The following SMARCAD1 variants were observed in gnomAD, a reference collection of about 807,000 sequenced individuals.
The protein encoded by SMARCAD1 is SNF2 related chromatin remodeling ATPase with DExD box 1, also known as SWI/SNF-related matrix-associated actin-dependent regulator of chromatin subfamily A containing DEAD/H box 1.
SMARCAD1 carries 25 observed loss-of-function variants against 127.1 expected under a neutral mutation model. The observed-to-expected ratio is 0.20, with a 90% CI of 0.14 to 0.27. The LOEUF is 0.27. SMARCAD1 is among the 10% of genes least tolerant of loss of function. The pLI, the probability that SMARCAD1 is intolerant of heterozygous loss-of-function variation, is 1.00. For missense variants in SMARCAD1, 807 were observed against 1,206.0 expected (o/e 0.67, Z 4.90); for synonymous variants, 400 against 396.9 (o/e 1.01, Z -0.09).
At chr4:94,240,205 C>T (rs1747364520) in intron 5 of SMARCAD1, among the ~76,000 whole-genome samples, 2 of 152,066 alleles carry the variant, frequency 1.3e-5, no homozygotes, top group African/African-American at 2.4e-5. Flanking sequence ...AACTTGTTCT[C>T]TGAAAGCAAA....
At chr4:94,251,658 G>GT (rs764851120) in intron 8 of SMARCAD1, among the ~76,000 whole-genome samples, 64 of 152,086 alleles carry the variant, frequency 4.2e-4, no homozygotes, top group Non-Finnish European at 7.6e-4. Flanking sequence ...GATAATCTGT[G>GT]TAAGTCTAAT....
At chr4:94,273,575 G>T (rs760367159) in intron 11 of SMARCAD1, 42 bp from the exon 12 acceptor site, 1 of 1,385,736 alleles carries the variant, frequency 7.2e-7, no homozygotes, top group Non-Finnish European at 1.0e-6. Context: ...TTTATTTTTT[G>T]TTTGTTTTAA....
rs1167377453 is a variant in SMARCAD1, at chr4:94,282,228, C to A, written c.2726+638C>A. Among the ~76,000 whole-genome samples, 3 of 99,064 alleles carry A rather than the reference C, an allele frequency of 3.0e-5. 1 individual carries two copies. The highest frequency in any genetic ancestry group is 4.5e-5 in the Non-Finnish European group (2 of 44,854). 65.0% of individuals were successfully genotyped at this position (99,064 alleles called of 152,430 possible). A position where few individuals can be genotyped will look rare whatever the true frequency, so the allele number is the denominator to read the frequency against. On this transcript the variant is annotated intron_variant, in intron 21 of 23. Transcript: ENST00000354268. ...CATTCTGCCTCAGCCTCCCGAGTAG[C>A]TGGGACTACAGGCGCCTGCTACCAC...
intron 6 of SMARCAD1, among the ~76,000 whole-genome samples, chr4:94,249,286 A>G (rs1748918277): frequency 6.6e-6 from 1 of 152,130 alleles, no homozygotes; most frequent in Non-Finnish European, 1.5e-5. Context: ...GTGAACATAG[A>G]TGAGATATTT....
intron 6 of SMARCAD1, among the ~76,000 whole-genome samples, chr4:94,245,494 AAC>A (rs1748272100): frequency 1.3e-5 from 2 of 152,252 alleles, no homozygotes; most frequent in African/African-American, 2.4e-5. Context: ...GGAGGCTGGC[AAC>A]ACCACAGAAA....
Position 94,207,961 on chromosome 4 carries a change from C to G in SMARCAD1, c.-159C>G. 1 of 361,290 alleles carries G rather than the reference C, an allele frequency of 2.8e-6. No individual in the cohort carries two copies. Among genetic ancestry groups the G allele is most frequent in the Admixed American group, 3.7e-5 (1 of 26,992 alleles). 22.4% of individuals were successfully genotyped at this position (361,290 alleles called of 1,614,324 possible). A position where few individuals can be genotyped will look rare whatever the true frequency, so the allele number is the denominator to read the frequency against. On this transcript the variant is annotated 5_prime_UTR_variant, in exon 1 of 24. Coordinates refer to ENST00000354268, the MANE Select transcript of SMARCAD1 (RefSeq NM_020159.5). The stretch of plus-strand genomic sequence containing the variant: ...CGCAGTGTCGAGGCGCGGGCCCTGG[C>G]AGGTCCTTTCTCGAGGCAGGGGGCA...
chr4:94,226,285 A>T lies in SMARCAD1; in HGVS notation c.357A>T (p.Thr119=), dbSNP rs753340589. ...TVQEKTFNKD[T]VIIVSEPSED... ...AAGAGAAAACATTCAACAAAGATACAGTGATTATAGTGTAAGCTGATTAAT... is the reference window on the plus strand; with the variant it reads ...AAGAGAAAACATTCAACAAAGATACTGTGATTATAGTGTAAGCTGATTAAT... The change falls in exon 3 of 24, where the codon ACA becomes ACT. Residue 119 remains threonine (T), a synonymous_variant. Coordinates refer to ENST00000354268, the MANE Select transcript of SMARCAD1 (RefSeq NM_020159.5). 1 of 1,611,834 alleles carries T rather than the reference A, an allele frequency of 6.2e-7. No individual in the cohort carries two copies. Among genetic ancestry groups the T allele is most frequent in the East Asian group, 2.2e-5 (1 of 44,736 alleles).
intron 10 of SMARCAD1, among the ~76,000 whole-genome samples, chr4:94,265,525 C>G (rs1423933438): frequency 6.6e-6 from 1 of 151,482 alleles, no homozygotes; most frequent in Non-Finnish European, 1.5e-5. Context: ...AAAATACTGT[C>G]TAGTGGCCAG....
intron 9 of SMARCAD1, chr4:94,253,635 A>G (rs1228252248): frequency 9.7e-7 from 1 of 1,033,422 alleles, no homozygotes; most frequent in African/African-American, 1.7e-5. Flanking sequence ...GGAAGCCTAT[A>G]ATTCAAGCGT....
At chr4:94,273,441 A>G (rs1387177920) in intron 11 of SMARCAD1, among the ~76,000 whole-genome samples, 176 bp from the exon 12 acceptor site, 5 of 152,208 alleles carry the variant, frequency 3.3e-5, no homozygotes, top group African/African-American at 9.6e-5. Context: ...TCATTTGGAG[A>G]TTATAATCAA....
chr4:94,222,744 CCT>C (rs1303532077), intron 2 of SMARCAD1, among the ~76,000 whole-genome samples: 1 of 152,100 alleles, frequency 6.6e-6, no homozygotes, highest in Non-Finnish European at 1.5e-5. Context: ...AGGTGGATCA[CCT>C]GATGTCAGGA....
At chr4:94,246,219 A>G (rs1748396738) in intron 6 of SMARCAD1, among the ~76,000 whole-genome samples, 1 of 151,458 alleles carries the variant, frequency 6.6e-6, no homozygotes, top group Non-Finnish European at 1.5e-5. Context: ...TCCCGGGTTC[A>G]AGCAATTCTC....
At chr4:94,263,015 G>A (rs778680533) in intron 9 of SMARCAD1, among the ~76,000 whole-genome samples, 2 of 152,020 alleles carry the variant, frequency 1.3e-5, no homozygotes, top group Non-Finnish European at 2.9e-5. Context: ...AGTGAAAAGG[G>A]CATGGAATTT....
At position 94,252,952 on chromosome 4, in the gene SMARCAD1, A is replaced by T; in HGVS notation, c.1226A>T (p.Gln409Leu). 1 of 1,614,032 alleles carries T rather than the reference A, an allele frequency of 6.2e-7. No individual in the cohort carries two copies. The highest frequency in any genetic ancestry group is 8.5e-7 in the Non-Finnish European group (1 of 1,179,998). ...CTTACTTTGATTCCTCAGTGTTCTC[A>T]GAAAAAGGCTCAGAAGATAACAGAA... ...GELTLIPQCS[Q>L]KKAQKITELR... Residue 409 changes from glutamine to leucine, a missense_variant, in exon 9 of 24, where the codon CAG (glutamine) becomes CTG (leucine). Coordinates refer to ENST00000354268, the MANE Select transcript of SMARCAD1 (RefSeq NM_020159.5).
chr4:94,262,196 C>T (rs1477130625), intron 9 of SMARCAD1, among the ~76,000 whole-genome samples: 1 of 152,156 alleles, frequency 6.6e-6, no homozygotes, highest in Admixed American at 6.5e-5. Flanking sequence ...TTTAACTAAC[C>T]ACTGGCTCTT....
In SMARCAD1 at chr4:94,289,807, ATTGT is replaced by A. The variant is rs1298288345; in HGVS notation, c.*278_*281del. The A allele has an allele frequency of 3.6e-5, 20 of 548,610 alleles. No homozygotes were observed. The highest frequency in any genetic ancestry group is 1.5e-4 in the African/African-American group (8 of 53,648). The allele number at this position is 548,610 out of a possible 1,614,324, so 34.0% of individuals were successfully genotyped here. A position where few individuals can be genotyped will look rare whatever the true frequency, so the allele number is the denominator to read the frequency against. On this transcript the variant is annotated 3_prime_UTR_variant, in exon 24 of 24. Transcript: ENST00000354268. ...TTTTCTGAATGGGGATTAGTTGGTG[ATTGT>A]TTGTAACAAATATGCTAATGCTTTA...
At chr4:94,261,302 G>T (rs1279031773) in intron 9 of SMARCAD1, among the ~76,000 whole-genome samples, 3 of 152,138 alleles carry the variant, frequency 2.0e-5, no homozygotes, top group Non-Finnish European at 2.9e-5. Context: ...CTTTTTATCT[G>T]TTTCTCAGAA....
chr4:94,232,998 C>T (rs1432297275), intron 3 of SMARCAD1, among the ~76,000 whole-genome samples: 1 of 152,106 alleles, frequency 6.6e-6, no homozygotes, highest in Non-Finnish European at 1.5e-5. Context: ...AAAAAACACA[C>T]ATATTCTGTT....
intron 10 of SMARCAD1, among the ~76,000 whole-genome samples, chr4:94,267,227 A>G (rs937169602): frequency 6.6e-6 from 1 of 152,072 alleles, no homozygotes. Flanking sequence ...GAGCTCTGAG[A>G]CCCTTTGTCA....
Sources: allele counts gnomAD v4.1 joint callset (sites outside exome capture counted in the v4.1 genomes callset), GRCh38; gene constraint gnomAD v4.1.1; transcripts MANE v1.5; gene names NCBI Gene and HGNC (gene_info 2026-07-23, HGNC 2026-07-21).